Variants in ACTR8 observed in about 807,000 individuals in gnomAD.
The protein encoded by ACTR8 is actin related protein 8.
ACTR8 carries 70 observed loss-of-function variants against 84.3 expected under a neutral mutation model. That is an observed-to-expected ratio of 0.83 (90% CI 0.68 to 1.01). The LOEUF is 1.01. ACTR8 is among the 50% of genes least tolerant of loss of function. The pLI is 0.00. For missense variants in ACTR8, 672 were observed against 775.4 expected, an observed-to-expected ratio of 0.87 and a Z score of 1.58; for synonymous variants, 268 against 275.2, an observed-to-expected ratio of 0.97 and a Z score of 0.26.
rs558201195 is a variant in ACTR8 at position 53,870,702 on chromosome 3, G to A, written c.1567+530C>T. On this transcript the variant is annotated intron_variant, in intron 11 of 12. Transcript: ENST00000335754. This position sits in a 1 kb window ranked among gnomAD's most constrained non-coding sequence, Gnocchi z 4.1. ...CCCACAAGATCCACTACGGGTGGTC[G>A]TCCCCTGCTTCTCTAGCCTCATCCT... Among the ~76,000 whole-genome samples the A allele has an allele frequency of 2.6e-5, 4 of 152,156 alleles. No individual in the cohort carries two copies. The highest frequency in any genetic ancestry group is 3.9e-4 in the East Asian group (2 of 5,160).
downstream of ACTR8, among the ~76,000 whole-genome samples, chr3:53,862,364 G>C (rs189717549): frequency 6.6e-6 from 1 of 152,316 alleles, no homozygotes; most frequent in African/African-American, 2.4e-5. Flanking sequence ...CAACATGGAA[G>C]TCTGGAAGAA....
intron 1 of ACTR8, among the ~76,000 whole-genome samples, chr3:53,881,243 G>A (rs931514593): frequency 6.6e-6 from 1 of 152,212 alleles, no homozygotes; most frequent in African/African-American, 2.4e-5. Context: ...TGTCCTACAT[G>A]AATTTCTGAG....
chr3:53,881,854 C>T, intron 1 of ACTR8, 125 bp downstream of exon 1: 1 of 1,408,252 alleles, frequency 7.1e-7, no homozygotes, highest in Non-Finnish European at 9.4e-7. Flanking sequence ...ACCGCTTCCG[C>T]ACTCCCCCCA....
At position 53,876,816 on chromosome 3, in the gene ACTR8, G is replaced by A. The variant is rs1048398273; in HGVS notation, c.685-103C>T. ...TTCCCTCCAAAGGAGTAGCAGCTAC[G>A]GTTACACACCCAGATTAAAGCTCAA... is the stretch of plus-strand genomic sequence containing the variant. On this transcript the variant is annotated intron_variant, in intron 5 of 12. Coordinates refer to ENST00000335754, the MANE Select transcript of ACTR8 (RefSeq NM_022899.5). 3.9e-5 allele frequency: 23 copies of A among 594,382 alleles called. No individual in the cohort carries two copies. The Middle Eastern group carries it at 7.8e-4, about 20-fold the overall frequency. The allele number at this position is 594,382 out of a possible 1,614,324, so 36.8% of individuals were successfully genotyped here. A position where few individuals can be genotyped will look rare whatever the true frequency, so the allele number is the denominator to read the frequency against.
At chr3:53,869,771 G>A (rs1326808812) in intron 12 of ACTR8, among the ~76,000 whole-genome samples, 2 of 152,158 alleles carry the variant, frequency 1.3e-5, no homozygotes, top group African/African-American at 4.8e-5. Context: ...CTAGTTTGGG[G>A]AGCACGGCAG....
the ACTR8 span, chr3:53,859,165 C>T: frequency 5.6e-6 from 1 of 178,220 alleles, no homozygotes; most frequent in Admixed American, 6.2e-5. Flanking sequence ...GAATATTTCA[C>T]TATATTCTGA....
chr3:53,864,784 C>T (rs1314018124), downstream of ACTR8: 3 of 1,613,492 alleles, frequency 1.9e-6, no homozygotes, highest in East Asian at 6.7e-5. Flanking sequence ...CACCACACTA[C>T]TGCCCCCCAT....
rs189291681 is a variant in ACTR8, at chr3:53,870,626, G to C, written c.1568-481C>G. Among the ~76,000 whole-genome samples, 285 of 151,858 alleles carry C rather than the reference G, an allele frequency of 1.9e-3. No individual in the cohort carries two copies. Among genetic ancestry groups the C allele is most frequent in the African/African-American group, 6.5e-3 (270 of 41,502 alleles). ...CAATCACGCCATTGCACTCTAGCCTGGGCAATGGAGTGAGACTCTGAAAAA... is the reference window on the plus strand; with the variant it reads ...CAATCACGCCATTGCACTCTAGCCTCGGCAATGGAGTGAGACTCTGAAAAA... On this transcript the variant is annotated intron_variant, in intron 11 of 12. Transcript: ENST00000335754. The surrounding 1 kb of genome is among the most constrained non-coding windows in gnomAD (Gnocchi z 4.1).
chr3:53,871,161 T>A (rs1288750670), intron 11 of ACTR8, 71 bp downstream of exon 11: 2 of 1,568,612 alleles, frequency 1.3e-6, no homozygotes, highest in Non-Finnish European at 1.7e-6. Flanking sequence ...AAGTATATCC[T>A]AGACTGAACC....
intron 12 of ACTR8, 149 bp from the exon 13 acceptor site, chr3:53,869,011 C>T: frequency 8.5e-7 from 1 of 1,181,702 alleles, no homozygotes; most frequent in East Asian, 2.7e-5. Context: ...GGATTAAATA[C>T]AGGCTCACGC....
chr3:53,875,956 C>T lies in ACTR8; in HGVS notation c.903G>A (p.Arg301=). ...CCTTCCAAGTTCCTTACCGAGTATTCCGATGAGACACCCCATCCTCCACAC... is the reference window on the plus strand; with the variant it reads ...CCTTCCAAGTTCCTTACCGAGTATTTCGATGAGACACCCCATCCTCCACAC... ...VCCVEDGVSH[R]NTRLCLAYGG... The change falls in exon 7 of 13, where the codon CGG becomes CGA. Residue 301 remains arginine, a synonymous_variant. Coordinates refer to ENST00000335754, the MANE Select transcript of ACTR8 (RefSeq NM_022899.5). The T allele has an allele frequency of 6.2e-7, 1 of 1,614,162 alleles. No individual in the cohort carries two copies. The highest frequency in any genetic ancestry group is 8.5e-7 in the Non-Finnish European group (1 of 1,180,032).
Position 53,873,130 on chromosome 3 carries a change from G to A in ACTR8, c.1066-3C>T, listed in dbSNP as rs1398160002. The A allele has an allele frequency of 6.2e-7, 1 of 1,603,006 alleles. No homozygotes were observed. Among genetic ancestry groups the A allele is most frequent in the Non-Finnish European group, 8.5e-7 (1 of 1,172,234 alleles). ...TGGTCCTGAAGCCCAGAGATGTCCT[G>A]ATTCCAGGAAAAGATGCTGTCAGTG... On this transcript the variant is annotated splice_region_variant and splice_polypyrimidine_tract_variant and intron_variant, in intron 8 of 12. Coordinates refer to ENST00000335754, the MANE Select transcript of ACTR8 (RefSeq NM_022899.5).
chr3:53,876,485 C>A, intron 6 of ACTR8, 135 bp downstream of exon 6: 1 of 632,772 alleles, frequency 1.6e-6, no homozygotes, highest in Non-Finnish European at 2.8e-6. Flanking sequence ...CGCCACTGCA[C>A]TCCAGCCTGG....
rs377561060 is a variant in ACTR8 at position 53,869,238 on chromosome 3, G to A, written c.1732-376C>T. Among the ~76,000 whole-genome samples the A allele has an allele frequency of 2.0e-3, 309 of 152,290 alleles. 10 individuals carry two copies. The South Asian group carries it at 0.061, about 30-fold the overall frequency. ...AGAGGTTGCAGTGAGCCAAGATCGC[G>A]CCACTGCACTCCAGCCTGGGTGACA... On this transcript the variant is annotated intron_variant, in intron 12 of 12. Transcript: ENST00000335754.
chr3:53,874,971 GAC>G (rs1225486449), intron 7 of ACTR8, among the ~76,000 whole-genome samples: 1 of 152,202 alleles, frequency 6.6e-6, no homozygotes, highest in Non-Finnish European at 1.5e-5. Flanking sequence ...TTTATCATAT[GAC>G]AGTTGTTTGG....
Position 53,867,813 on chromosome 3 carries a change from GAGGTTA to G in ACTR8, c.*900_*905del, listed in dbSNP as rs1272464054. On this transcript the variant is annotated 3_prime_UTR_variant, in exon 13 of 13. Transcript: ENST00000335754. ...TTTAGATTTTGCTTCAGGATGCTCA[GAGGTTA>G]AGGTTAACTGATCATACTGAACATC... 3.3e-5 allele frequency: 5 copies of G among 152,176 alleles called. No homozygotes were observed. In the East Asian group the frequency reaches 7.7e-4, roughly 23 times the overall value. The allele number at this position is 152,176 out of a possible 1,614,324, so 9.4% of individuals were successfully genotyped here.
At chr3:53,863,085 T>C (rs1174442868), downstream of ACTR8, among the ~76,000 whole-genome samples, 2 of 152,088 alleles carry the variant, frequency 1.3e-5, no homozygotes, top group African/African-American at 4.8e-5. Context: ...TTTCTCATGA[T>C]TTTAATTACA....
At position 53,878,363 on chromosome 3, in the gene ACTR8, A is replaced by G. The variant is rs1488601718; in HGVS notation, c.399T>C (p.Pro133=). ...TCTGAAGAGTTAATCGAACCTGTTCAGGGGACACAGGAATGCGTCTTGTAC... is the reference window on the plus strand; with the variant it reads ...TCTGAAGAGTTAATCGAACCTGTTCGGGGGACACAGGAATGCGTCTTGTAC... ...SNGTRRIPVS[P]EQARSYNKQM... is the part of the protein sequence containing the mutation. Residue 133 remains proline, a synonymous_variant, in exon 3 of 13, where the codon CCT becomes CCC. Transcript: ENST00000335754. 1.2e-6 allele frequency: 2 copies of G among 1,606,690 alleles called. No individual in the cohort carries two copies. The highest frequency in any genetic ancestry group is 2.2e-5 in the East Asian group (1 of 44,854).
intron 3 of ACTR8, 56 bp downstream of exon 3, chr3:53,878,301 G>T: frequency 8.0e-7 from 1 of 1,254,134 alleles, no homozygotes; most frequent in Non-Finnish European, 1.2e-6. Context: ...ACATGTGAAT[G>T]GTATTATGAT....
Sources: allele counts gnomAD v4.1 joint callset (sites outside exome capture counted in the v4.1 genomes callset), GRCh38; gene constraint gnomAD v4.1.1; non-coding constraint Gnocchi (gnomAD v3.1); transcripts MANE v1.5; gene names NCBI Gene and HGNC (gene_info 2026-07-23, HGNC 2026-07-21).